The following PCDHGA10 variants were observed in gnomAD, a reference collection of about 807,000 sequenced individuals.
PCDHGA10 encodes the protein protocadherin gamma-A10.
A neutral mutation model predicts 59.5 loss-of-function variants in PCDHGA10; 42 were observed. The observed-to-expected ratio is 0.71, with a 90% CI of 0.55 to 0.91. The LOEUF (loss-of-function observed/expected upper bound fraction) is 0.91, where lower values mean the gene tolerates loss of function less well. Ranked by LOEUF, PCDHGA10 falls within the 40% of genes least tolerant of loss-of-function variation. PCDHGA10 has a pLI of 0.00. For missense variants in PCDHGA10, 1,111 were observed against 1,198.2 expected (o/e 0.93, Z 1.07); for synonymous variants, 511 against 517.2 (o/e 0.99, Z 0.16).
At position 141,493,774 on chromosome 5, in the gene PCDHGA10, C is replaced by T. The variant is rs2099749996; in HGVS notation, c.2437-1033C>T. On this transcript the variant is annotated intron_variant, in intron 1 of 3. Coordinates refer to ENST00000398610, the MANE Select transcript of PCDHGA10 (RefSeq NM_018913.3). The surrounding 1 kb of genome is among the most constrained non-coding windows in gnomAD (Gnocchi z 4.3). ...GCCTTGAGTGAGCCACTGGCAGTTC[C>T]GGAGCTTCCTTCTCCCTGGAGTAAT... Among the ~76,000 whole-genome samples, 1 of 152,258 alleles carries T rather than the reference C, an allele frequency of 6.6e-6. No homozygotes were observed. The highest frequency in any genetic ancestry group is 1.9e-4 in the East Asian group (1 of 5,176).
Position 141,414,741 on chromosome 5 carries a change from A to C in PCDHGA10, c.1566A>C (p.Arg522Ser). The C allele has an allele frequency of 6.2e-7, 1 of 1,614,158 alleles. No individual in the cohort carries two copies. ...NSDTGVLYAL[R>S]SFDYEQFHEL... ...ACACTGGCGTCCTGTATGCACTCAGATCCTTCGACTATGAGCAGTTTCATG... is the reference window on the plus strand; with the variant it reads ...ACACTGGCGTCCTGTATGCACTCAGCTCCTTCGACTATGAGCAGTTTCATG... Residue 522 changes from arginine (R) to serine (S), a missense_variant, in exon 1 of 4, where the codon AGA (arginine) becomes AGC (serine). Physicochemically the swap from Arg to Ser is moderately radical, Grantham distance 110. Transcript: ENST00000398610.
rs753202774 is a variant in PCDHGA10, at chr5:141,487,875, C to A, written c.2437-6932C>A. 33 of 828,628 alleles carry A rather than the reference C, an allele frequency of 4.0e-5. No individual in the cohort carries two copies. Among genetic ancestry groups the A allele is most frequent in the Non-Finnish European group, 5.8e-5 (31 of 536,030 alleles). The allele number at this position is 828,628 out of a possible 1,614,324, so 51.3% of individuals were successfully genotyped here. A position where few individuals can be genotyped will look rare whatever the true frequency, so the allele number is the denominator to read the frequency against. The stretch of plus-strand genomic sequence containing the variant: ...AAGTAATTGGTGATCAAGAGCCAGG[C>A]TGTTGTGGAAGCATGATGATGGAAT... On this transcript the variant is annotated intron_variant, in intron 1 of 3. Coordinates refer to ENST00000398610, the MANE Select transcript of PCDHGA10 (RefSeq NM_018913.3). The surrounding 1 kb of genome is among the most constrained non-coding windows in gnomAD (Gnocchi z 5.0).
intron 1 of PCDHGA10, chr5:141,418,384 C>A (rs774636792): frequency 1.5e-5 from 25 of 1,613,864 alleles, no homozygotes; most frequent in East Asian, 4.5e-5. Context: ...TAAGTCCTAA[C>A]GAGTATTTCT....
At position 141,431,213 on chromosome 5, in the gene PCDHGA10, T is replaced by A; in HGVS notation, c.2436+15602T>A. 6.2e-7 allele frequency: 1 copy of A among 1,614,142 alleles called. No individual in the cohort carries two copies. The highest frequency in any genetic ancestry group is 8.5e-7 in the Non-Finnish European group (1 of 1,180,038). On this transcript the variant is annotated intron_variant, in intron 1 of 3. Coordinates refer to ENST00000398610, the MANE Select transcript of PCDHGA10 (RefSeq NM_018913.3). The surrounding 1 kb of genome is among the most constrained non-coding windows in gnomAD (Gnocchi z 4.8). ...TGAAAATGCAGCCACTGAGATGCGG[T>A]TCCCTCTACCCCACGCCTGGGATCC...
intron 3 of PCDHGA10, among the ~76,000 whole-genome samples, chr5:141,510,244 G>A (rs549784078): frequency 6.6e-6 from 1 of 151,116 alleles, no homozygotes; most frequent in African/African-American, 2.4e-5. Flanking sequence ...CTGCACTCCA[G>A]GCTGGGCGAC....
At chr5:141,416,010 A>T (rs968655183) in intron 1 of PCDHGA10, 5 of 245,908 alleles carry the variant, frequency 2.0e-5, no homozygotes, top group Non-Finnish European at 3.0e-5. Flanking sequence ...TGGTAAGAAT[A>T]GGTAAGTATC....
chr5:141,507,075 C>T (rs1006779614), intron 3 of PCDHGA10: 25 of 152,176 alleles, frequency 1.6e-4, no homozygotes, highest in Admixed American at 1.1e-3. Context: ...CCTGGCTCAA[C>T]TCCTAAGTTT....
chr5:141,449,040 C>A (rs1333983931), intron 1 of PCDHGA10, among the ~76,000 whole-genome samples: 2 of 152,126 alleles, frequency 1.3e-5, no homozygotes, highest in Non-Finnish European at 2.9e-5. Flanking sequence ...GGATTATTAA[C>A]CAGTCTCATA....
intron 1 of PCDHGA10, chr5:141,423,360 G>T (rs762976655): frequency 1.2e-6 from 2 of 1,614,224 alleles, no homozygotes; most frequent in South Asian, 2.2e-5. Context: ...TTGTCATCGT[G>T]CTGCTGGCAC....
intron 1 of PCDHGA10, chr5:141,479,646 A>G (rs2099501987): frequency 6.6e-6 from 1 of 152,256 alleles, no homozygotes; most frequent in Admixed American, 6.5e-5. Context: ...CAACAACAAC[A>G]ACAACAATCC....
chr5:141,427,440 G>T (rs747459662), intron 1 of PCDHGA10: 3 of 477,366 alleles, frequency 6.3e-6, no homozygotes, highest in South Asian at 3.1e-5. Flanking sequence ...CCTCATAAAC[G>T]AAAGAGTTCC....
At chr5:141,423,240 A>G (rs1260661059) in intron 1 of PCDHGA10, 1 of 1,613,932 alleles carries the variant, frequency 6.2e-7, no homozygotes, top group Middle Eastern at 1.6e-4. Context: ...GCATCCCCGA[A>G]GTCCTGGCGG....
chr5:141,413,198 C>T lies in PCDHGA10; in HGVS notation c.23C>T (p.Ser8Leu). 5 of 1,611,416 alleles carry T rather than the reference C, an allele frequency of 3.1e-6. No individual in the cohort carries two copies. Among genetic ancestry groups the T allele is most frequent in the Non-Finnish European group, 2.5e-6 (3 of 1,178,468 alleles). The change falls in exon 1 of 4, where the codon TCA becomes TTA. Residue 8 changes from serine (S) to leucine (L), a missense_variant. Coordinates refer to ENST00000398610, the MANE Select transcript of PCDHGA10 (RefSeq NM_018913.3). ...ACAATGGCCGCTCAAAGGAATCGCT[C>T]AAAGGAATCAAAGGATTGCAGCGGG... Reference protein sequence around the residue: MAAQRNRSKESKDCSGLV... With the variant: MAAQRNRLKESKDCSGLV...
rs2099883795 is a variant in PCDHGA10 at position 141,511,444 on chromosome 5, A to C, written c.*271A>C. 3.0e-6 allele frequency: 2 copies of C among 665,362 alleles called. No individual in the cohort carries two copies. The highest frequency in any genetic ancestry group is 3.6e-5 in the African/African-American group (2 of 54,978). 41.2% of individuals were successfully genotyped at this position (665,362 alleles called of 1,614,324 possible). On this transcript the variant is annotated 3_prime_UTR_variant, in exon 4 of 4. Coordinates refer to ENST00000398610, the MANE Select transcript of PCDHGA10 (RefSeq NM_018913.3). ...GGGTAGTGGGGTTACTGTAGACACC[A>C]AGAACCATTTGCCACACCCCGTTTA...
Position 141,414,528 on chromosome 5 carries a change from C to T in PCDHGA10, c.1353C>T (p.Asp451=). 6.2e-7 allele frequency: 1 copy of T among 1,613,970 alleles called. No individual in the cohort carries two copies. The highest frequency in any genetic ancestry group is 8.5e-7 in the Non-Finnish European group (1 of 1,179,894). ...TGCTACAAGTGGCAGATATCAATGA[C>T]AACCCACCTACCTTCTCTCAAGTCT... ...HFMLQVADIN[D]NPPTFSQVSY... is the part of the protein sequence containing the mutation. Residue 451 remains aspartate, a synonymous_variant, in exon 1 of 4, where the codon GAC becomes GAT. Transcript: ENST00000398610.
intron 1 of PCDHGA10, chr5:141,418,530 G>A (rs370822103): frequency 5.0e-6 from 8 of 1,613,834 alleles, no homozygotes; most frequent in Non-Finnish European, 6.8e-6. Context: ...CCCCGAAGCG[G>A]TACTGCTCAG....
At chr5:141,483,009 C>G (rs538900128) in intron 1 of PCDHGA10, among the ~76,000 whole-genome samples, 1 of 152,060 alleles carries the variant, frequency 6.6e-6, no homozygotes, top group South Asian at 2.1e-4. Context: ...TGCTTGAACC[C>G]GGGAGGCAGA....
chr5:141,469,404 G>A (rs1439441297), intron 1 of PCDHGA10, among the ~76,000 whole-genome samples: 7 of 151,874 alleles, frequency 4.6e-5, no homozygotes, highest in African/African-American at 1.5e-4. Flanking sequence ...GTGAAACCCC[G>A]TTTCTACTAA....
chr5:141,452,148 T>C (rs1294195346), intron 1 of PCDHGA10, among the ~76,000 whole-genome samples: 1 of 152,228 alleles, frequency 6.6e-6, no homozygotes, highest in Non-Finnish European at 1.5e-5. Flanking sequence ...TTTTTTCCAA[T>C]GAGTTATATT....
Sources: allele counts gnomAD v4.1 joint callset (sites outside exome capture counted in the v4.1 genomes callset), GRCh38; gene constraint gnomAD v4.1.1; non-coding constraint Gnocchi (gnomAD v3.1); transcripts MANE v1.5; gene names NCBI Gene and HGNC (gene_info 2026-07-23, HGNC 2026-07-21).